SPTBN5: variants seen among roughly 807,000 people sequenced by gnomAD.
The protein encoded by SPTBN5 is spectrin beta chain, non-erythrocytic 5.
SPTBN5 carries 513 observed loss-of-function variants against 477.6 expected under a neutral mutation model. That is an observed-to-expected ratio of 1.07 (90% confidence interval 1.00 to 1.16). The LOEUF (loss-of-function observed/expected upper bound fraction) is 1.16. Ranked by LOEUF, SPTBN5 falls within the 50% of genes most tolerant of loss-of-function variation. The probability of loss-of-function intolerance (pLI) is 0.00; values close to 1 mark genes in which losing one functional copy is unlikely to be tolerated. For synonymous variants in SPTBN5, 2,169 were observed against 2,011.7 expected (o/e 1.08, Z -2.09); for missense variants, 5,062 against 4,731.8 (o/e 1.07, Z -2.05).
chr15:41,860,823 T>C, intron 46 of SPTBN5, 65 bp from the exon 47 acceptor site: 3 of 1,390,652 alleles, frequency 2.2e-6, no homozygotes, highest in Non-Finnish European at 2.8e-6. Flanking sequence ...GCTACCTGCC[T>C]TCCCACCTAG....
In SPTBN5 at chr15:41,881,253, C is replaced by T. The variant is rs145537677; in HGVS notation, c.2458-19G>A. ...AGTTCACCTGTGTGACAAAGGGCAG[C>T]GCGTCTACAGGCGACCCCATCAAGC... is the stretch of plus-strand genomic sequence containing the variant. On this transcript the variant is annotated intron_variant, in intron 12 of 67. Coordinates refer to ENST00000320955, the MANE Select transcript of SPTBN5 (RefSeq NM_016642.4). 1.3e-3 allele frequency: 2,111 copies of T among 1,585,648 alleles called. 34 individuals carry two copies. The African/African-American group carries it at 0.026, about 20-fold the overall frequency.
At chr15:41,868,705 C>T in intron 32 of SPTBN5, 104 bp from the exon 33 acceptor site, 1 of 1,183,786 alleles carries the variant, frequency 8.4e-7, no homozygotes, top group Non-Finnish European at 1.2e-6. Context: ...CTCACACAGC[C>T]CGAGCCGACC....
rs2140903553 is a variant in SPTBN5, at chr15:41,848,683, C to T, written c.11013-55G>A. ...GGTATGGCCACCCCAGAATCTTCTCCAAACAAACACACACTGGTGCCCCTG... is the reference window on the plus strand; with the variant it reads ...GGTATGGCCACCCCAGAATCTTCTCTAAACAAACACACACTGGTGCCCCTG... On this transcript the variant is annotated intron_variant, in intron 67 of 67. Coordinates refer to ENST00000320955, the MANE Select transcript of SPTBN5 (RefSeq NM_016642.4). 11 of 1,599,664 alleles carry T rather than the reference C, an allele frequency of 6.9e-6. 1 individual carries two copies. The highest frequency in any genetic ancestry group is 1.7e-4 in the Middle Eastern group (1 of 5,954).
intron 66 of SPTBN5, 103 bp downstream of exon 66, chr15:41,850,751 G>A: frequency 1.0e-6 from 1 of 990,836 alleles, no homozygotes; most frequent in East Asian, 2.6e-5. Flanking sequence ...GGTTAGAGAT[G>A]CTAACTGTGA....
At chr15:41,862,367 C>T (rs1463009354) in intron 43 of SPTBN5, 75 bp from the exon 44 acceptor site, 1 of 1,530,380 alleles carries the variant, frequency 6.5e-7, no homozygotes, top group African/African-American at 1.4e-5. Flanking sequence ...GTCTTCTGTC[C>T]CTTAATCCCC....
At position 41,877,227 on chromosome 15, in the gene SPTBN5, C is replaced by T. The variant is rs776651156; in HGVS notation, c.3600G>A (p.Arg1200=). The change falls in exon 18 of 68, where the codon AGG becomes AGA. Residue 1200 remains arginine, a synonymous_variant. Transcript: ENST00000320955. ...GQELKVLWEQ[R]QQWLQEGLEL... is the part of the protein sequence containing the mutation. ...CCAGCCCCTCTTGCAGCCACTGCTG[C>T]CTCTGCTCCCACAAAACCTTCAGCT... The T allele has an allele frequency of 1.5e-5, 24 of 1,613,924 alleles. No individual in the cohort carries two copies. Among genetic ancestry groups the T allele is most frequent in the Non-Finnish European group, 1.8e-5 (21 of 1,179,910 alleles).
chr15:41,891,260 C>T (rs986334008), intron 3 of SPTBN5, among the ~76,000 whole-genome samples: 1 of 152,228 alleles, frequency 6.6e-6, no homozygotes, highest in Non-Finnish European at 1.5e-5. Flanking sequence ...AGGAGTGAGA[C>T]TTTCCATAAG....
chr15:41,849,851 C>CCCACCCAGGTGTCCCACCTGAGTAGACAT lies in SPTBN5; in HGVS notation c.11001_11012+17dup. 6.4e-7 allele frequency: 1 copy of CCCACCCAGGTGTCCCACCTGAGTAGACAT among 1,555,242 alleles called. No individual in the cohort carries two copies. Among genetic ancestry groups the CCCACCCAGGTGTCCCACCTGAGTAGACAT allele is most frequent in the Non-Finnish European group, 8.7e-7 (1 of 1,148,220 alleles). On this transcript the variant is annotated intron_variant, in intron 67 of 67. Transcript: ENST00000320955. Reference sequence around the variant, plus strand: ...GCCCAGGGCTCCCCGCCCTGCTTCCCCCACCCAGGTGTCCCACCTGAGTAG... The same window carrying CCCACCCAGGTGTCCCACCTGAGTAGACAT: ...GCCCAGGGCTCCCCGCCCTGCTTCCCCCACCCAGGTGTCCCACCTGAGTAGACATCCACCCAGGTGTCCCACCTGAGTAG...
intron 56 of SPTBN5, 125 bp from the exon 57 acceptor site, chr15:41,854,330 C>T (rs2065868381): frequency 8.3e-7 from 1 of 1,211,050 alleles, no homozygotes; most frequent in South Asian, 1.5e-5. Context: ...TGATGTGTCC[C>T]CAGGTACAGA....
At chr15:41,861,993 G>A in intron 44 of SPTBN5, 70 bp from the exon 45 acceptor site, 1 of 1,544,792 alleles carries the variant, frequency 6.5e-7, no homozygotes, top group Non-Finnish European at 8.7e-7. Flanking sequence ...AGGTGGGGAA[G>A]CAGCTGAGGA....
intron 29 of SPTBN5, among the ~76,000 whole-genome samples, chr15:41,870,920 C>A (rs552538148): frequency 6.6e-6 from 1 of 152,382 alleles, no homozygotes; most frequent in South Asian, 2.1e-4. Flanking sequence ...AACTCTGCAA[C>A]TGGCTGAGCT....
chr15:41,861,817 G>T lies in SPTBN5; in HGVS notation c.7655C>A (p.Ala2552Asp). 1.3e-6 allele frequency: 2 copies of T among 1,594,556 alleles called. No individual in the cohort carries two copies. The highest frequency in any genetic ancestry group is 8.5e-7 in the Non-Finnish European group (1 of 1,174,260). The stretch of plus-strand genomic sequence containing the variant: ...GCTGCTCAGCTCCTGTTCTAAGCCA[G>T]CCAGCACCTGGCGAATGTCGGAGCT... ...PFSSDIRQVL[A>D]GLEQELSSLE... The change falls in exon 45 of 68, where the codon GCT (alanine) becomes GAT (aspartate). Residue 2552 changes from alanine (A) to aspartate (D), a missense_variant. Transcript: ENST00000320955.
chr15:41,874,533 C>T, intron 23 of SPTBN5, 55 bp from the exon 24 acceptor site: 1 of 1,437,694 alleles, frequency 7.0e-7, no homozygotes, highest in Non-Finnish European at 9.3e-7. Context: ...GCACAAGGCT[C>T]CTGGTTCTTT....
Position 41,854,896 on chromosome 15 carries a change from C to T in SPTBN5, c.9504G>A (p.Leu3168=), listed in dbSNP as rs1488523028. 1.2e-6 allele frequency: 2 copies of T among 1,609,118 alleles called. No individual in the cohort carries two copies. Among genetic ancestry groups the T allele is most frequent in the South Asian group, 2.2e-5 (2 of 90,526 alleles). ...GQAKVYALRK[L]AGTLERGAPR... is the part of the protein sequence containing the mutation. The stretch of plus-strand genomic sequence containing the variant: ...GTGCACCCCGCTCCAGGGTGCCTGC[C>T]AACTTCCTCAGGGCATACACCTTGG... The change falls in exon 56 of 68, where the codon TTG becomes TTA. Residue 3168 remains leucine (L), a synonymous_variant. Coordinates refer to ENST00000320955, the MANE Select transcript of SPTBN5 (RefSeq NM_016642.4).
At chr15:41,848,710 C>G (rs1462682016) in intron 67 of SPTBN5, 82 bp from the exon 68 acceptor site, 3 of 1,529,020 alleles carry the variant, frequency 2.0e-6, no homozygotes, top group Admixed American at 1.7e-5. Context: ...GTGCCCCTGC[C>G]CTCCCCTGGA....
rs1461820288 is a variant in SPTBN5 at position 41,866,112 on chromosome 15, C to T, written c.6748G>A (p.Glu2250Lys). ...LRQAMALRGQ[E>K]LEDRRNFLEF... ...AGGAAGTTCCGCCTGTCCTCCAGCT[C>T]CTGGCCCCTGAGGGCCATTGCCTGC... Residue 2250 changes from glutamate to lysine, a missense_variant, in exon 38 of 68, where the codon GAG (glutamate) becomes AAG (lysine). By Grantham distance (56) the Glu-to-Lys change is moderately conservative. Coordinates refer to ENST00000320955, the MANE Select transcript of SPTBN5 (RefSeq NM_016642.4). 1.3e-6 allele frequency: 2 copies of T among 1,557,970 alleles called. No homozygotes were observed. Among genetic ancestry groups the T allele is most frequent in the South Asian group, 1.2e-5 (1 of 84,532 alleles).
At position 41,868,392 on chromosome 15, in the gene SPTBN5, G is replaced by A. The variant is rs755418572; in HGVS notation, c.6057+6C>T. ...GTATGTGGGGGCACCAGGGGAGGGG[G>A]CCCACCTCCTTGGTGGGTGTCCCTG... On this transcript the variant is annotated splice_donor_region_variant and intron_variant, in intron 33 of 67. Coordinates refer to ENST00000320955, the MANE Select transcript of SPTBN5 (RefSeq NM_016642.4). 65 of 1,596,448 alleles carry A rather than the reference G, an allele frequency of 4.1e-5. No homozygotes were observed. The highest frequency in any genetic ancestry group is 5.5e-5 in the Non-Finnish European group (64 of 1,170,236).
intron 39 of SPTBN5, 97 bp downstream of exon 39, chr15:41,865,711 C>T (rs1372836149): frequency 1.9e-5 from 22 of 1,131,912 alleles, no homozygotes; most frequent in Non-Finnish European, 2.8e-5. Flanking sequence ...GGCATGGCGC[C>T]CACGCCCTGC....
chr15:41,886,371 T>C lies in SPTBN5; in HGVS notation c.889-5A>G. ...CTCCTGGAGCTGAAGCAGGATCTGG[T>C]GGAGGGCATAGGAAGGGGTCAGGGT... On this transcript the variant is annotated splice_region_variant and splice_polypyrimidine_tract_variant and intron_variant, in intron 6 of 67. Transcript: ENST00000320955. The C allele has an allele frequency of 6.3e-7, 1 of 1,590,726 alleles. No individual in the cohort carries two copies. The highest frequency in any genetic ancestry group is 8.6e-7 in the Non-Finnish European group (1 of 1,168,662).
Sources: allele counts gnomAD v4.1 joint callset (sites outside exome capture counted in the v4.1 genomes callset), GRCh38; gene constraint gnomAD v4.1.1; transcripts MANE v1.5; gene names NCBI Gene and HGNC (gene_info 2026-07-23, HGNC 2026-07-21).